Variants in CTIF observed in about 807,000 individuals in gnomAD.
CTIF encodes CBP80/20-dependent translation initiation factor.
CTIF carries 21 observed loss-of-function variants against 66.0 expected under a neutral mutation model. That is an observed-to-expected ratio of 0.32 (90% confidence interval 0.23 to 0.46). The LOEUF is 0.46. Among genes scored for constraint, CTIF ranks in the 20% least tolerant of loss-of-function variants. The pLI is 1.00. For synonymous variants in CTIF, 345 were observed against 326.4 expected, an observed-to-expected ratio of 1.06 and a Z score of -0.62; for missense variants, 739 against 812.7, an observed-to-expected ratio of 0.91 and a Z score of 1.10.
intron 1 of CTIF, chr18:48,566,618 C>G (rs1033201882): frequency 1.3e-5 from 2 of 152,192 alleles, no homozygotes; most frequent in African/African-American, 4.8e-5. Flanking sequence ...GGGCTGGCAC[C>G]AACCACAGCT....
At chr18:48,807,579 TG>T (rs2068174354) in intron 9 of CTIF, among the ~76,000 whole-genome samples, 3 of 92,256 alleles carry the variant, frequency 3.3e-5, no homozygotes, top group African/African-American at 4.9e-5. Context: ...TTTGTTGTTG[TG>T]TTTTTTTTTT....
chr18:48,849,342 C>T (rs947613186), intron 10 of CTIF, among the ~76,000 whole-genome samples: 5 of 151,188 alleles, frequency 3.3e-5, no homozygotes, highest in Non-Finnish European at 5.9e-5. Context: ...GAATTACAGG[C>T]GTCTGCCACC....
chr18:48,858,155 G>A (rs1344984497), intron 11 of CTIF, among the ~76,000 whole-genome samples: 1 of 152,266 alleles, frequency 6.6e-6, no homozygotes, highest in Non-Finnish European at 1.5e-5. Flanking sequence ...GCAGATCTCT[G>A]CCCTCTGCAG....
chr18:48,723,182 C>A (rs1482314056), intron 7 of CTIF, among the ~76,000 whole-genome samples: 1 of 152,200 alleles, frequency 6.6e-6, no homozygotes, highest in Non-Finnish European at 1.5e-5. Flanking sequence ...CTTCCGTCTG[C>A]TGGGCCCCTC....
At chr18:48,776,217 A>G (rs1910656347) in intron 9 of CTIF, among the ~76,000 whole-genome samples, 1 of 152,168 alleles carries the variant, frequency 6.6e-6, no homozygotes, top group Admixed American at 6.5e-5. Context: ...ACTGCCTTGT[A>G]GGAGAGGGTA....
chr18:48,557,821 CTG>C (rs1343284359), intron 1 of CTIF, among the ~76,000 whole-genome samples: 3 of 152,228 alleles, frequency 2.0e-5, no homozygotes, highest in African/African-American at 7.2e-5. Context: ...GGTCTCTCCT[CTG>C]TGTTTGTGCA....
At chr18:48,740,512 A>G (rs992269905) in intron 7 of CTIF, among the ~76,000 whole-genome samples, 2 of 152,200 alleles carry the variant, frequency 1.3e-5, no homozygotes, top group African/African-American at 4.8e-5. Flanking sequence ...AACCTCACCC[A>G]GGCTGCAAGT....
At chr18:48,737,038 A>AT (rs1475992372) in intron 7 of CTIF, among the ~76,000 whole-genome samples, 3 of 152,040 alleles carry the variant, frequency 2.0e-5, no homozygotes, top group Admixed American at 1.3e-4. Context: ...ACATGGCTCC[A>AT]TGTCACCCAG....
rs754747962 is a variant in CTIF at position 48,603,369 on chromosome 18, A to AGATGGATGGATGGATGGATGGATGGATG, written c.-28-16142_-28-16141insGGATGGATGGATGGATGGATGGATGGAT. Among the ~76,000 whole-genome samples, 265 of 123,466 alleles carry AGATGGATGGATGGATGGATGGATGGATG rather than the reference A, an allele frequency of 2.1e-3. 3 individuals carry two copies. Among genetic ancestry groups the AGATGGATGGATGGATGGATGGATGGATG allele is most frequent in the Non-Finnish European group, 3.4e-3 (207 of 60,612 alleles). The allele number at this position is 123,466 out of a possible 152,430, so 81.0% of individuals were successfully genotyped here. A position where few individuals can be genotyped will look rare whatever the true frequency, so the allele number is the denominator to read the frequency against. On this transcript the variant is annotated intron_variant, in intron 1 of 11. Coordinates refer to ENST00000256413, the MANE Select transcript of CTIF (RefSeq NM_014772.3). ...GGGATGGACGGCTAGATAGGTGGGT[A>AGATGGATGGATGGATGGATGGATGGATG]GATGGATGGATGGATGGATGGATGG... is the stretch of plus-strand genomic sequence containing the variant.
chr18:48,592,209 A>C (rs534874838), intron 1 of CTIF, among the ~76,000 whole-genome samples: 1 of 146,140 alleles, frequency 6.8e-6, no homozygotes, highest in Non-Finnish European at 1.5e-5. Flanking sequence ...GTTTGAAAAT[A>C]GCTCTCCTGG....
At position 48,551,450 on chromosome 18, in the gene CTIF, C is replaced by A. The variant is rs981640217; in HGVS notation, c.-29+12138C>A. ...CTTCTAGCCCCCAGAATTATGAGAT[C>A]ATACATTTCTGTTGCTTTCAGCCAC... On this transcript the variant is annotated intron_variant, in intron 1 of 11. Coordinates refer to ENST00000256413, the MANE Select transcript of CTIF (RefSeq NM_014772.3). Among the ~76,000 whole-genome samples, 4 of 152,242 alleles carry A rather than the reference C, an allele frequency of 2.6e-5. No individual in the cohort carries two copies. The East Asian group carries it at 7.7e-4, about 29-fold the overall frequency.
At chr18:48,858,321 A>G (rs573162024) in intron 11 of CTIF, among the ~76,000 whole-genome samples, 122 of 152,358 alleles carry the variant, frequency 8.0e-4, no homozygotes, top group African/African-American at 2.7e-3. Flanking sequence ...TGGGAGCCAG[A>G]TGGCAGTCTT....
chr18:48,633,563 G>A (rs879352771), intron 2 of CTIF, among the ~76,000 whole-genome samples: 6 of 151,934 alleles, frequency 3.9e-5, no homozygotes, highest in Admixed American at 6.6e-5. Flanking sequence ...TTAGTTGGGC[G>A]TGGTGGCGGG....
chr18:48,551,785 A>G (rs1309784297), intron 1 of CTIF, among the ~76,000 whole-genome samples: 1 of 151,782 alleles, frequency 6.6e-6, no homozygotes, highest in African/African-American at 2.4e-5. Flanking sequence ...GGGTGATCCA[A>G]TAATAACTTT....
intron 10 of CTIF, among the ~76,000 whole-genome samples, chr18:48,837,723 A>T (rs1319449146): frequency 6.6e-6 from 1 of 152,056 alleles, no homozygotes; most frequent in East Asian, 1.9e-4. Flanking sequence ...TAGCCCTAAA[A>T]TCAAAGAGTG....
chr18:48,857,977 A>G (rs903612320), intron 11 of CTIF, among the ~76,000 whole-genome samples: 1 of 152,216 alleles, frequency 6.6e-6, no homozygotes, highest in Non-Finnish European at 1.5e-5. Context: ...TCTGCCCTCA[A>G]ATATTTCCCT....
chr18:48,582,179 A>G (rs2143824408), intron 1 of CTIF, among the ~76,000 whole-genome samples: 1 of 152,102 alleles, frequency 6.6e-6, no homozygotes, highest in East Asian at 1.9e-4. Context: ...GCATGGCAAG[A>G]CTTGGCCGAG....
intron 10 of CTIF, among the ~76,000 whole-genome samples, chr18:48,843,446 T>G (rs1017332471): frequency 1.3e-4 from 20 of 151,994 alleles, no homozygotes; most frequent in African/African-American, 4.8e-4. Context: ...TGATCTCCTG[T>G]GATGATAACC....
intron 7 of CTIF, among the ~76,000 whole-genome samples, chr18:48,730,019 G>A (rs1030529345): frequency 3.9e-5 from 6 of 152,224 alleles, no homozygotes; most frequent in Admixed American, 3.9e-4. Flanking sequence ...TGAAGTAATA[G>A]TAGCCGGCTT....
Sources: gnomAD v4.1 joint callset for allele counts (sites outside exome capture counted in the v4.1 genomes callset) on GRCh38, gnomAD v4.1.1 for gene constraint, MANE v1.5 for transcripts, NCBI Gene and HGNC (gene_info 2026-07-23, HGNC 2026-07-21) for gene names.